Variants in SLC9C1 observed in about 807,000 individuals in gnomAD.
The protein encoded by SLC9C1 is solute carrier family 9 member C1.
Under a neutral mutation model 140.9 loss-of-function variants are expected in SLC9C1, and 97 were observed. The observed-to-expected ratio is 0.69, with a 90% CI of 0.58 to 0.82. The LOEUF (loss-of-function observed/expected upper bound fraction) is 0.82. SLC9C1 is among the 40% of genes least tolerant of loss of function. The pLI, the probability that SLC9C1 is intolerant of heterozygous loss-of-function variation, is 0.00. For synonymous variants in SLC9C1, 440 were observed against 442.6 expected (o/e 0.99, Z 0.07); for missense variants, 1,340 against 1,389.3 (o/e 0.96, Z 0.56).
At chr3:112,148,543 G>A (rs1202465106) in intron 28 of SLC9C1, among the ~76,000 whole-genome samples, 2 of 151,866 alleles carry the variant, frequency 1.3e-5, no homozygotes, top group Admixed American at 6.6e-5. Flanking sequence ...CTTTGCTACT[G>A]TAGCTCTATG....
At chr3:112,166,553 G>T (rs1191009115) in intron 26 of SLC9C1, among the ~76,000 whole-genome samples, 3 of 152,112 alleles carry the variant, frequency 2.0e-5, no homozygotes, top group African/African-American at 4.8e-5. Flanking sequence ...CCTGTGAATT[G>T]TCTTTGGTTG....
chr3:112,183,205 C>T (rs1007700765), intron 20 of SLC9C1, among the ~76,000 whole-genome samples: 3 of 152,138 alleles, frequency 2.0e-5, no homozygotes, highest in African/African-American at 7.2e-5. Context: ...TACACTTCTA[C>T]TCTAATGTTC....
chr3:112,289,379 G>T (rs779343717), intron 1 of SLC9C1, among the ~76,000 whole-genome samples: 1 of 152,172 alleles, frequency 6.6e-6, no homozygotes, highest in Non-Finnish European at 1.5e-5. Context: ...GTAAGGTGCT[G>T]TCAGAAAGTG....
intron 15 of SLC9C1, among the ~76,000 whole-genome samples, chr3:112,209,945 C>A (rs914740395): frequency 1.3e-5 from 2 of 152,092 alleles, no homozygotes; most frequent in African/African-American, 4.8e-5. Context: ...CTATAAAAAT[C>A]TTGACCTTTT....
chr3:112,207,674 GTTA>G (rs138995191), intron 16 of SLC9C1, among the ~76,000 whole-genome samples: 4,184 of 152,206 alleles, frequency 0.027, 101 homozygotes, highest in Non-Finnish European at 0.038. Context: ...TGTACTTGTA[GTTA>G]TTCTCTTTTT....
intron 15 of SLC9C1, among the ~76,000 whole-genome samples, chr3:112,212,599 G>C (rs978794178): frequency 2.0e-5 from 3 of 152,014 alleles, no homozygotes; most frequent in Non-Finnish European, 2.9e-5. Context: ...TGGAAGAAAG[G>C]GTATCAGTGA....
In SLC9C1 at chr3:112,229,630, C is replaced by T. The variant is rs561737844; in HGVS notation, c.1572+1731G>A. ...TTTTTAAGGCTGAGAAAATTGTGTG[C>T]GTGTATGTGTGTGTGTATAAAGAAT... On this transcript the variant is annotated intron_variant, in intron 13 of 28. Coordinates refer to ENST00000305815, the MANE Select transcript of SLC9C1 (RefSeq NM_183061.3). 4.2e-4 allele frequency among the ~76,000 whole-genome samples: 64 copies of T among 151,188 alleles called. 1 individual carries two copies. The South Asian group carries it at 0.012, about 29-fold the overall frequency.
At chr3:112,256,066 T>G (rs2079598166) in intron 10 of SLC9C1, among the ~76,000 whole-genome samples, 1 of 151,792 alleles carries the variant, frequency 6.6e-6, no homozygotes, top group Non-Finnish European at 1.5e-5. Context: ...AGTAGTGAGT[T>G]CCCAAATTGA....
chr3:112,146,798 G>C (rs557421929), intron 28 of SLC9C1, among the ~76,000 whole-genome samples: 1 of 152,230 alleles, frequency 6.6e-6, no homozygotes, highest in African/African-American at 2.4e-5. Flanking sequence ...GATGGGTGGC[G>C]TATTCTGTAG....
intron 11 of SLC9C1, among the ~76,000 whole-genome samples, chr3:112,242,490 T>G (rs1216688788): frequency 6.6e-6 from 1 of 151,998 alleles, no homozygotes; most frequent in African/African-American, 2.4e-5. Flanking sequence ...CAATTAAACT[T>G]ATGGAGATAG....
chr3:112,191,138 T>C (rs549461409), intron 20 of SLC9C1, among the ~76,000 whole-genome samples: 1 of 152,292 alleles, frequency 6.6e-6, no homozygotes, highest in Admixed American at 6.5e-5. Flanking sequence ...TATGAGATCA[T>C]GTCATCAGAA....
intron 26 of SLC9C1, among the ~76,000 whole-genome samples, chr3:112,165,125 G>C (rs1183119755): frequency 6.6e-6 from 1 of 152,122 alleles, no homozygotes; most frequent in East Asian, 1.9e-4. Flanking sequence ...AGCTCCCTCA[G>C]GTCCTTTAAG....
intron 2 of SLC9C1, among the ~76,000 whole-genome samples, chr3:112,284,373 T>C (rs1013133074): frequency 9.8e-5 from 15 of 152,286 alleles, no homozygotes; most frequent in Admixed American, 5.9e-4. Context: ...AGTTACTGCA[T>C]TGAAAGAAAA....
intron 7 of SLC9C1, among the ~76,000 whole-genome samples, chr3:112,266,764 A>G (rs2079929009): frequency 6.6e-6 from 1 of 152,228 alleles, no homozygotes; most frequent in Non-Finnish European, 1.5e-5. Flanking sequence ...TATTGTGGAT[A>G]TGCTACTTTT....
intron 6 of SLC9C1, among the ~76,000 whole-genome samples, chr3:112,271,666 T>C (rs2080081786): frequency 6.6e-6 from 1 of 152,080 alleles, no homozygotes; most frequent in Non-Finnish European, 1.5e-5. Context: ...TAATAGATTT[T>C]AGAGATATAT....
chr3:112,153,987 A>T (rs2075057982), intron 27 of SLC9C1, among the ~76,000 whole-genome samples: 1 of 152,210 alleles, frequency 6.6e-6, no homozygotes, highest in South Asian at 2.1e-4. Context: ...TTGTCCTCTT[A>T]AAAGCCAGGG....
At chr3:112,155,117 A>G (rs1010510635) in intron 26 of SLC9C1, 68 bp from the exon 27 acceptor site, 22 of 1,349,302 alleles carry the variant, frequency 1.6e-5, no homozygotes, top group South Asian at 1.4e-4. Context: ...TATTAGTCCA[A>G]CTATCAGATT....
intron 27 of SLC9C1, among the ~76,000 whole-genome samples, chr3:112,153,142 A>T (rs1435789247): frequency 6.6e-6 from 1 of 152,162 alleles, no homozygotes; most frequent in East Asian, 1.9e-4. Context: ...CATCTACTAA[A>T]CAACACAATT....
intron 14 of SLC9C1, among the ~76,000 whole-genome samples, chr3:112,218,594 C>A (rs930347591): frequency 8.6e-5 from 13 of 151,952 alleles, no homozygotes; most frequent in Non-Finnish European, 1.5e-4. Context: ...AATATTTATT[C>A]AACATCTGCT....
Sources: gnomAD v4.1 joint callset for allele counts (sites outside exome capture counted in the v4.1 genomes callset) on GRCh38, gnomAD v4.1.1 for gene constraint, MANE v1.5 for transcripts, NCBI Gene and HGNC (gene_info 2026-07-23, HGNC 2026-07-21) for gene names.